The following ZNF730 variants were observed in gnomAD, a reference collection of about 807,000 sequenced individuals.
ZNF730 encodes putative zinc finger protein 730.
Under a neutral mutation model 12.6 loss-of-function variants are expected in ZNF730, and 12 were observed. The ratio of observed to expected loss-of-function variants is 0.95; its 90% confidence interval spans 0.61 to 1.54. ZNF730 has a LOEUF of 1.54. ZNF730 is among the 40% of genes most tolerant of loss of function. ZNF730 has a pLI of 0.00. For synonymous variants in ZNF730, 194 were observed against 195.8 expected (o/e 0.99, Z 0.08); for missense variants, 643 against 583.5 (o/e 1.10, Z -1.05).
intron 2 of ZNF730, 86 bp downstream of exon 2, chr19:23,134,292 GTTTT>G: frequency 8.2e-7 from 1 of 1,215,196 alleles, no homozygotes; most frequent in Non-Finnish European, 1.1e-6. Context: ...CAGATCCCGG[GTTTT>G]TTTCTTTTTC....
At position 23,141,642 on chromosome 19, in the gene ZNF730, A is replaced by ATTTGTGAATTTTTTTAGT. The variant is rs1385228490; in HGVS notation, c.227-3625_227-3608dup. Among the ~76,000 whole-genome samples the ATTTGTGAATTTTTTTAGT allele has an allele frequency of 5.1e-4, 77 of 152,246 alleles. 2 individuals carry two copies. The East Asian group carries it at 0.014, about 28-fold the overall frequency. On this transcript the variant is annotated intron_variant, in intron 3 of 3. Transcript: ENST00000597761. ...ATCAAGAGTGTGTTAATTTTTATAT[A>ATTTGTGAATTTTTTTAGT]TTTGTGAATTTTTTTAGTTTTTTTC...
chr19:23,127,765 AGTTAGGGCCATC>A, intron 1 of ZNF730: 1 of 886,480 alleles, frequency 1.1e-6, no homozygotes, highest in Non-Finnish European at 1.9e-6. Context: ...CCTGAGAGGA[AGTTAGGGCCATC>A]GTCCAGGTCT....
chr19:23,096,695 C>T (rs1385599015), intron 1 of ZNF730, among the ~76,000 whole-genome samples: 1 of 152,200 alleles, frequency 6.6e-6, no homozygotes, highest in Non-Finnish European at 1.5e-5. Context: ...TGCATGGGCC[C>T]TCCCCACAAG....
In ZNF730 at chr19:23,077,904, G is replaced by A. The variant is rs546619315; in HGVS notation, c.-94+2517G>A. On this transcript the variant is annotated intron_variant, in intron 1 of 2. Coordinates refer to the ZNF730 transcript ENST00000593635. ...CTGTGCTCACAGAGACAAGTGCTGT[G>A]TTAACTCAAGGTTTAATGGATTTAG... Among the ~76,000 whole-genome samples the A allele has an allele frequency of 2.6e-5, 4 of 152,302 alleles. No individual in the cohort carries two copies. The East Asian group carries it at 7.7e-4, about 29-fold the overall frequency.
At chr19:23,079,576 A>T (rs1047395409) in intron 1 of ZNF730, among the ~76,000 whole-genome samples, 37 of 152,334 alleles carry the variant, frequency 2.4e-4, no homozygotes, top group Admixed American at 1.9e-3. Flanking sequence ...GGTAATTTTT[A>T]AAAAATTTTG....
chr19:23,094,112 A>G (rs1376599662), intron 1 of ZNF730, among the ~76,000 whole-genome samples: 2 of 152,054 alleles, frequency 1.3e-5, no homozygotes, highest in Non-Finnish European at 2.9e-5. Context: ...TGGTCTCCCA[A>G]GTGGCTGCGG....
chr19:23,085,836 C>CTTT (rs556123915), intron 1 of ZNF730, among the ~76,000 whole-genome samples: 1,260 of 54,872 alleles, frequency 0.023, 293 homozygotes, highest in Middle Eastern at 0.034. Context: ...ATTTTTTTTT[C>CTTT]TTTTTTTTTT....
At chr19:23,143,261 A>G (rs1261512911) in intron 3 of ZNF730, among the ~76,000 whole-genome samples, 5 of 152,204 alleles carry the variant, frequency 3.3e-5, no homozygotes, top group Non-Finnish European at 5.9e-5. Flanking sequence ...GAAAAAAAAA[A>G]ACAATATATT....
intron 1 of ZNF730, chr19:23,127,018 T>C (rs1970679665): frequency 3.9e-6 from 2 of 510,428 alleles, no homozygotes; most frequent in Middle Eastern, 3.7e-4. Context: ...CGTATATCTG[T>C]AGAATCCCGA....
intron 1 of ZNF730, among the ~76,000 whole-genome samples, chr19:23,091,190 T>C (rs1183447787): frequency 6.6e-6 from 1 of 152,010 alleles, no homozygotes; most frequent in Admixed American, 6.5e-5. Flanking sequence ...TTCCATGTGG[T>C]GTTGAGGCTG....
At chr19:23,133,326 T>C (rs1206866477) in intron 1 of ZNF730, among the ~76,000 whole-genome samples, 1 of 151,140 alleles carries the variant, frequency 6.6e-6, no homozygotes, top group Non-Finnish European at 1.5e-5. Flanking sequence ...GGTCATCTTG[T>C]GTTTTTTTTG....
At chr19:23,113,735 T>C (rs966731991), upstream of ZNF730, among the ~76,000 whole-genome samples, 1 of 152,142 alleles carries the variant, frequency 6.6e-6, no homozygotes, top group Non-Finnish European at 1.5e-5. Flanking sequence ...AATAAAATAA[T>C]AACCTGAATT....
At chr19:23,116,307 T>TTC (rs1014241990), upstream of ZNF730, among the ~76,000 whole-genome samples, 3 of 86,030 alleles carry the variant, frequency 3.5e-5, no homozygotes, top group African/African-American at 9.7e-5. Flanking sequence ...GCTTTTTCTT[T>TTC]TCTTTTCTTT....
At chr19:23,143,376 A>G (rs1268656949) in intron 3 of ZNF730, among the ~76,000 whole-genome samples, 1 of 152,190 alleles carries the variant, frequency 6.6e-6, no homozygotes, top group African/African-American at 2.4e-5. Flanking sequence ...TATGTTGTAT[A>G]TTTATTAACA....
chr19:23,146,430 C>T lies in ZNF730; in HGVS notation c.1386C>T (p.Asn462=), dbSNP rs1289416849. The stretch of plus-strand genomic sequence containing the variant: ...GTGAAGAATGTGGCAAAGCTTTTAA[C>T]CGGTCCTCAACCCTCACTACACATA... ...YECEECGKAF[N]RSSTLTTHKI... is the part of the protein sequence containing the mutation. The change falls in exon 4 of 4, where the codon AAC becomes AAT. Residue 462 remains asparagine (N), a synonymous_variant. Coordinates refer to ENST00000597761, the MANE Select transcript of ZNF730 (RefSeq NM_001277403.2). 6.2e-7 allele frequency: 1 copy of T among 1,612,734 alleles called. No homozygotes were observed. Among genetic ancestry groups the T allele is most frequent in the Non-Finnish European group, 8.5e-7 (1 of 1,179,812 alleles).
At chr19:23,092,059 G>A (rs1291155198) in intron 1 of ZNF730, among the ~76,000 whole-genome samples, 1 of 152,170 alleles carries the variant, frequency 6.6e-6, no homozygotes, top group African/African-American at 2.4e-5. Context: ...CATGAGGGCT[G>A]TTCTTTCCCA....
At chr19:23,085,082 G>C (rs1390080758) in intron 1 of ZNF730, among the ~76,000 whole-genome samples, 1 of 152,130 alleles carries the variant, frequency 6.6e-6, no homozygotes, top group Non-Finnish European at 1.5e-5. Flanking sequence ...CCCACCAACA[G>C]AGTATAAGCA....
chr19:23,111,176 A>C (rs1264857185), intron 1 of ZNF730, among the ~76,000 whole-genome samples: 2 of 152,128 alleles, frequency 1.3e-5, no homozygotes, highest in Non-Finnish European at 2.9e-5. Flanking sequence ...CTTCTAAATT[A>C]CTAAAATAGG....
Position 23,105,912 on chromosome 19 carries a change from C to T in ZNF730, c.-93-28168C>T, listed in dbSNP as rs187550328. 7.9e-5 allele frequency among the ~76,000 whole-genome samples: 12 copies of T among 152,260 alleles called. No homozygotes were observed. The East Asian group carries it at 2.3e-3, about 29-fold the overall frequency. The stretch of plus-strand genomic sequence containing the variant: ...CCACAGTATGCATGAGTCAGACATG[C>T]ATTTCCTTCAGTGAAGGAAGTAAGA... On this transcript the variant is annotated intron_variant, in intron 1 of 2. Coordinates refer to the ZNF730 transcript ENST00000593635.
Sources: allele counts gnomAD v4.1 joint callset (sites outside exome capture counted in the v4.1 genomes callset), GRCh38; gene constraint gnomAD v4.1.1; transcripts MANE v1.5; gene names NCBI Gene and HGNC (gene_info 2026-07-23, HGNC 2026-07-21).